The following SLC41A3 variants were observed in gnomAD, a reference collection of about 807,000 sequenced individuals.
The protein encoded by SLC41A3 is SLC41A1-like 2.
A neutral mutation model predicts 45.4 loss-of-function variants in SLC41A3; 44 were observed. That is an observed-to-expected ratio of 0.97 (90% CI 0.76 to 1.25). SLC41A3 has a LOEUF of 1.25. Among genes scored for constraint, SLC41A3 ranks in the 50% most tolerant of loss-of-function variants. SLC41A3 has a pLI of 0.00. For synonymous variants in SLC41A3, 256 were observed against 252.4 expected (o/e 1.01, Z -0.13); for missense variants, 550 against 600.6 (o/e 0.92, Z 0.88).
At chr3:126,085,688 A>G (rs781353281), upstream of SLC41A3, among the ~76,000 whole-genome samples, 1 of 152,060 alleles carries the variant, frequency 6.6e-6, no homozygotes, top group African/African-American at 2.4e-5. Context: ...TTGTCTGCGC[A>G]TTTGTGTGAG....
intron 1 of SLC41A3, among the ~76,000 whole-genome samples, chr3:126,068,995 T>A (rs1324852283): frequency 6.6e-6 from 1 of 151,994 alleles, no homozygotes; most frequent in African/African-American, 2.4e-5. Flanking sequence ...ATGAAAACAC[T>A]TAAAAGGAAA....
intron 1 of SLC41A3, among the ~76,000 whole-genome samples, chr3:126,096,719 A>G (rs1277564686): frequency 6.6e-6 from 1 of 152,228 alleles, no homozygotes; most frequent in Non-Finnish European, 1.5e-5. Flanking sequence ...AAACAATGCT[A>G]ATGACTGGCT....
At chr3:126,079,452 A>G (rs1047082924) in intron 1 of SLC41A3, among the ~76,000 whole-genome samples, 1 of 152,214 alleles carries the variant, frequency 6.6e-6, no homozygotes, top group Non-Finnish European at 1.5e-5. Flanking sequence ...GAGACAAAGG[A>G]TAAGTGTGCA....
chr3:126,013,221 T>C (rs1419703345), intron 8 of SLC41A3, among the ~76,000 whole-genome samples: 2 of 151,874 alleles, frequency 1.3e-5, no homozygotes, highest in African/African-American at 4.8e-5. Context: ...TTTTTTTTTT[T>C]CACTCAAGGT....
intron 1 of SLC41A3, among the ~76,000 whole-genome samples, chr3:126,090,212 C>T (rs1009814746): frequency 1.3e-5 from 2 of 152,072 alleles, no homozygotes; most frequent in Admixed American, 6.5e-5. Flanking sequence ...TGTACAAAGA[C>T]TTTAACTAAA....
rs1169286605 is a variant in SLC41A3, at chr3:126,015,536, G to GT, written c.927dup (p.Gln310ThrfsTer132). ...AATATCGCCATGCCTTTGTACTGCT[G>GT]TTTAGAAACGGTTTTGCTCAAGATG... On this transcript the variant is annotated frameshift_variant, in exon 8 of 11. Transcript: ENST00000360370. LOFTEE classifies it high-confidence loss of function. The GT allele has an allele frequency of 1.9e-6, 3 of 1,614,240 alleles. No individual in the cohort carries two copies. The South Asian group carries it at 3.3e-5, about 18-fold the overall frequency.
At chr3:126,028,346 A>G (rs1941532359) in intron 4 of SLC41A3, among the ~76,000 whole-genome samples, 2 of 152,228 alleles carry the variant, frequency 1.3e-5, no homozygotes, top group Admixed American at 1.3e-4. Flanking sequence ...CTCAAGCTCC[A>G]GTCATGGCTC....
At chr3:126,081,183 G>T (rs1044847705) in intron 1 of SLC41A3, among the ~76,000 whole-genome samples, 1 of 152,192 alleles carries the variant, frequency 6.6e-6, no homozygotes. Flanking sequence ...CAGCCATAAA[G>T]AAGAATGAGA....
intron 3 of SLC41A3, among the ~76,000 whole-genome samples, chr3:126,040,462 A>C (rs1018994917): frequency 6.6e-6 from 1 of 152,214 alleles, no homozygotes; most frequent in Non-Finnish European, 1.5e-5. Flanking sequence ...CTATTGCAAA[A>C]GGCAGAGGTA....
At chr3:126,050,401 T>C (rs1215662809) in intron 3 of SLC41A3, among the ~76,000 whole-genome samples, 2 of 152,174 alleles carry the variant, frequency 1.3e-5, no homozygotes, top group Non-Finnish European at 2.9e-5. Flanking sequence ...TCTCCTGGGA[T>C]AGCTGGGAAG....
chr3:126,099,474 G>C (rs1945666865), intron 1 of SLC41A3, among the ~76,000 whole-genome samples: 1 of 152,188 alleles, frequency 6.6e-6, no homozygotes, highest in Admixed American at 6.5e-5. Flanking sequence ...CACTTTGGGT[G>C]GCCAAGGCGG....
intron 3 of SLC41A3, among the ~76,000 whole-genome samples, chr3:126,047,923 G>C (rs1366064820): frequency 6.6e-6 from 1 of 152,130 alleles, no homozygotes; most frequent in Admixed American, 6.5e-5. Context: ...GTGCATTAAA[G>C]GACATAAGGC....
intron 8 of SLC41A3, among the ~76,000 whole-genome samples, chr3:126,014,315 C>T (rs1449540825): frequency 1.3e-5 from 2 of 152,074 alleles, no homozygotes; most frequent in African/African-American, 2.4e-5. Context: ...ACAAATTAGG[C>T]CCTTAATACA....
At chr3:126,071,772 CTTTT>C (rs59182198) in intron 1 of SLC41A3, among the ~76,000 whole-genome samples, 1 of 142,928 alleles carries the variant, frequency 7.0e-6, no homozygotes, top group Non-Finnish European at 1.5e-5. Flanking sequence ...AATTAAACAA[CTTTT>C]TTTTTTTTTT....
At chr3:126,013,108 G>A (rs1330578502) in intron 8 of SLC41A3, among the ~76,000 whole-genome samples, 1 of 152,184 alleles carries the variant, frequency 6.6e-6, no homozygotes, top group Non-Finnish European at 1.5e-5. Flanking sequence ...AGAAAGGTCT[G>A]AGAATAGTGT....
chr3:126,067,109 CCCCGG>C (rs879505521), intron 2 of SLC41A3, among the ~76,000 whole-genome samples: 35,888 of 135,826 alleles, frequency 0.26, 5,650 homozygotes, highest in Non-Finnish European at 0.29. Flanking sequence ...CCGCCCCCCG[CCCCGG>C]CCACCGCACC....
chr3:126,051,096 A>G, intron 2 of SLC41A3, 46 bp from the exon 3 acceptor site: 1 of 1,490,102 alleles, frequency 6.7e-7, no homozygotes, highest in Non-Finnish European at 9.0e-7. Context: ...ACACATCAGC[A>G]AATCTCTGGA....
chr3:126,017,202 T>C (rs1165700723), intron 6 of SLC41A3, among the ~76,000 whole-genome samples: 2 of 152,274 alleles, frequency 1.3e-5, no homozygotes, highest in Non-Finnish European at 2.9e-5. Context: ...GAATGCACCA[T>C]GAGCCAGCAC....
At chr3:126,064,742 A>T (rs1300617994) in intron 2 of SLC41A3, among the ~76,000 whole-genome samples, 1 of 151,652 alleles carries the variant, frequency 6.6e-6, no homozygotes, top group Non-Finnish European at 1.5e-5. Context: ...TTGCCTGGAG[A>T]CCCCCGTTCT....
Sources: gnomAD v4.1 joint callset for allele counts (sites outside exome capture counted in the v4.1 genomes callset) on GRCh38, gnomAD v4.1.1 for gene constraint, MANE v1.5 for transcripts, NCBI Gene and HGNC (gene_info 2026-07-23, HGNC 2026-07-21) for gene names.